Variants in HECW2 observed in about 807,000 individuals in gnomAD.
The protein encoded by HECW2 is HECT, C2 and WW domain containing E3 ubiquitin protein ligase 2.
HECW2 carries 61 observed loss-of-function variants against 175.2 expected under a neutral mutation model. The observed-to-expected ratio is 0.35, with a 90% CI of 0.28 to 0.43. HECW2 has a LOEUF of 0.43. HECW2 is among the 20% of genes least tolerant of loss of function. The pLI is 1.00. For synonymous variants in HECW2, 671 were observed against 731.0 expected, an observed-to-expected ratio of 0.92 and a Z score of 1.32; for missense variants, 1,524 against 2,000.5, an observed-to-expected ratio of 0.76 and a Z score of 4.54.
intron 19 of HECW2, among the ~76,000 whole-genome samples, chr2:196,248,295 C>T (rs928559099): frequency 6.6e-6 from 1 of 152,142 alleles, no homozygotes; most frequent in African/African-American, 2.4e-5. Flanking sequence ...ATAGCAGGCA[C>T]CCTCTGATAG....
intron 23 of HECW2, among the ~76,000 whole-genome samples, chr2:196,224,503 A>G (rs1270339890): frequency 6.6e-6 from 1 of 152,112 alleles, no homozygotes; most frequent in African/African-American, 2.4e-5. Flanking sequence ...AAATCAGAAG[A>G]GGGACTCATG....
chr2:196,276,827 T>G (rs1689975710), intron 15 of HECW2, among the ~76,000 whole-genome samples: 1 of 152,208 alleles, frequency 6.6e-6, no homozygotes. Flanking sequence ...AGCAAACACA[T>G]GATGCATTGG....
intron 1 of HECW2, among the ~76,000 whole-genome samples, chr2:196,566,394 T>C (rs1690189194): frequency 1.3e-5 from 2 of 151,958 alleles, no homozygotes; most frequent in Non-Finnish European, 2.9e-5. Flanking sequence ...TGAAGTAAAA[T>C]AAGCATTGCT....
At chr2:196,552,549 G>A (rs1335472710) in intron 1 of HECW2, among the ~76,000 whole-genome samples, 1 of 152,194 alleles carries the variant, frequency 6.6e-6, no homozygotes, top group East Asian at 1.9e-4. Flanking sequence ...ATAAAGTGCA[G>A]AGTCAGGAGC....
chr2:196,430,334 C>T (rs1478143489), intron 2 of HECW2, among the ~76,000 whole-genome samples: 1 of 151,996 alleles, frequency 6.6e-6, no homozygotes, highest in Non-Finnish European at 1.5e-5. Flanking sequence ...CCACAGAATT[C>T]AGAATTTCTA....
chr2:196,296,738 GC>G (rs1461701675), intron 13 of HECW2, among the ~76,000 whole-genome samples: 1 of 152,164 alleles, frequency 6.6e-6, no homozygotes, highest in Non-Finnish European at 1.5e-5. Flanking sequence ...AAAAACAAAG[GC>G]CACGACAGTC....
intron 2 of HECW2, among the ~76,000 whole-genome samples, chr2:196,375,832 T>G (rs568579016): frequency 1.2e-4 from 19 of 152,388 alleles, no homozygotes; most frequent in Middle Eastern, 3.4e-3. Context: ...ATGCAGATAT[T>G]ATGAATGACA....
chr2:196,319,969 A>C, intron 8 of HECW2, 65 bp from the exon 9 acceptor site: 1 of 1,456,808 alleles, frequency 6.9e-7, no homozygotes, highest in Non-Finnish European at 9.1e-7. Flanking sequence ...TTTATGACTT[A>C]TTTGCTTTGC....
At chr2:196,267,813 T>C (rs1452763416) in intron 17 of HECW2, among the ~76,000 whole-genome samples, 1 of 152,142 alleles carries the variant, frequency 6.6e-6, no homozygotes, top group East Asian at 1.9e-4. Context: ...CCTACTTCAA[T>C]CTCTCAAGGG....
intron 1 of HECW2, among the ~76,000 whole-genome samples, chr2:196,542,675 T>C (rs1174506069): frequency 6.6e-6 from 1 of 151,858 alleles, no homozygotes; most frequent in Admixed American, 6.6e-5. Context: ...GGGCAGTCCA[T>C]GTATACAAGC....
chr2:196,313,142 C>T (rs922187929), intron 10 of HECW2, among the ~76,000 whole-genome samples: 2 of 152,148 alleles, frequency 1.3e-5, no homozygotes, highest in African/African-American at 4.8e-5. Context: ...GTTTATACAA[C>T]AATTCCATAT....
intron 21 of HECW2, among the ~76,000 whole-genome samples, chr2:196,230,121 C>T (rs142352644): frequency 2.7e-4 from 41 of 152,292 alleles, no homozygotes; most frequent in African/African-American, 9.9e-4. Context: ...ATATAACATG[C>T]TAACAGGTGG....
chr2:196,268,540 G>A (rs1281065203), intron 17 of HECW2, among the ~76,000 whole-genome samples: 1 of 152,212 alleles, frequency 6.6e-6, no homozygotes, highest in African/African-American at 2.4e-5. Flanking sequence ...GATCTGTTAA[G>A]ATTCTGTCAA....
chr2:196,525,005 G>A (rs1405750116), intron 1 of HECW2, among the ~76,000 whole-genome samples: 2 of 139,612 alleles, frequency 1.4e-5, no homozygotes, highest in Non-Finnish European at 3.0e-5. Flanking sequence ...GCTTGGTGCA[G>A]AGCTGAGTTC....
At chr2:196,405,842 C>T (rs950065271) in intron 2 of HECW2, among the ~76,000 whole-genome samples, 8 of 152,130 alleles carry the variant, frequency 5.3e-5, no homozygotes, top group African/African-American at 1.9e-4. Context: ...CAACTCATTT[C>T]ATTTCAACTT....
intron 13 of HECW2, among the ~76,000 whole-genome samples, chr2:196,299,344 C>G (rs992599250): frequency 3.7e-5 from 5 of 136,722 alleles, no homozygotes; most frequent in Non-Finnish European, 8.0e-5. Flanking sequence ...AAAAAAAAAG[C>G]CTGTAAGCTG....
chr2:196,498,917 G>T (rs553931218), intron 1 of HECW2, among the ~76,000 whole-genome samples: 1 of 152,072 alleles, frequency 6.6e-6, no homozygotes, highest in African/African-American at 2.4e-5. Flanking sequence ...AGACCAACTG[G>T]TGCCACCCAG....
chr2:196,516,931 A>G (rs1193900764), intron 1 of HECW2, among the ~76,000 whole-genome samples: 2 of 152,236 alleles, frequency 1.3e-5, no homozygotes, highest in African/African-American at 2.4e-5. Context: ...TGTTACAAAG[A>G]TATCAAGTCA....
At chr2:196,563,025 C>A (rs13385194) in intron 1 of HECW2, among the ~76,000 whole-genome samples, 5,338 of 152,046 alleles carry the variant, frequency 0.035, 311 homozygotes, top group African/African-American at 0.12. Context: ...CTGGGAGAGA[C>A]CCTGTCTCAA....
Sources: gnomAD v4.1 joint callset for allele counts (sites outside exome capture counted in the v4.1 genomes callset) on GRCh38, gnomAD v4.1.1 for gene constraint, MANE v1.5 for transcripts, NCBI Gene and HGNC (gene_info 2026-07-23, HGNC 2026-07-21) for gene names.